THEMIS: variants seen among roughly 807,000 people sequenced by gnomAD.
THEMIS encodes protein THEMIS.
THEMIS carries 37 observed loss-of-function variants against 52.6 expected under a neutral mutation model. The ratio of observed to expected loss-of-function variants is 0.70; its 90% CI spans 0.54 to 0.93. The LOEUF (loss-of-function observed/expected upper bound fraction) is 0.93, where lower values mean the gene tolerates loss of function less well. Among genes scored for constraint, THEMIS ranks in the 40% least tolerant of loss-of-function variants. The pLI is 0.00. For synonymous variants in THEMIS, 292 were observed against 272.7 expected (o/e 1.07, Z -0.70); for missense variants, 808 against 763.1 (o/e 1.06, Z -0.69).
chr6:127,804,480 A>G (rs756164618), intron 4 of THEMIS, among the ~76,000 whole-genome samples: 27 of 152,312 alleles, frequency 1.8e-4, no homozygotes, highest in Non-Finnish European at 3.2e-4. Flanking sequence ...AGAGATTAAT[A>G]CATGTAAGCA....
intron 4 of THEMIS, among the ~76,000 whole-genome samples, chr6:127,782,110 C>G (rs567053444): frequency 6.6e-6 from 1 of 152,152 alleles, no homozygotes; most frequent in Non-Finnish European, 1.5e-5. Context: ...AGGGGAAAAC[C>G]GCCTACTCAA....
chr6:127,886,794 C>A (rs1343940045), intron 1 of THEMIS, among the ~76,000 whole-genome samples: 1 of 152,156 alleles, frequency 6.6e-6, no homozygotes, highest in Non-Finnish European at 1.5e-5. Context: ...TGTTTGGTTT[C>A]TCCTGAACTC....
intron 4 of THEMIS, among the ~76,000 whole-genome samples, chr6:127,788,248 A>C (rs540752098): frequency 6.6e-6 from 1 of 152,266 alleles, no homozygotes; most frequent in African/African-American, 2.4e-5. Context: ...ACTTTAACCA[A>C]GTTTGCCAGT....
chr6:127,796,450 A>T (rs767421062), intron 4 of THEMIS, among the ~76,000 whole-genome samples: 26 of 152,208 alleles, frequency 1.7e-4, no homozygotes, highest in Non-Finnish European at 2.4e-4. Flanking sequence ...GACCAGATCA[A>T]CCTTATGCAG....
At chr6:127,899,701 C>T (rs114645853) in intron 1 of THEMIS, among the ~76,000 whole-genome samples, 2 of 151,548 alleles carry the variant, frequency 1.3e-5, no homozygotes, top group Non-Finnish European at 3.0e-5. Context: ...AGACTTTTTA[C>T]GTAAAGCCTA....
intron 4 of THEMIS, among the ~76,000 whole-genome samples, chr6:127,731,864 A>ATTTTTTTGTTTTTTTTTTTTTTT (rs1774814121): frequency 2.4e-5 from 1 of 41,704 alleles, no homozygotes; most frequent in African/African-American, 1.1e-4. Context: ...TGCCCGGCTA[A>ATTTTTTTGTTTTTTTTTTTTTTT]TTTTTTTTTT....
At chr6:127,914,508 C>A (rs529990028) in intron 1 of THEMIS, among the ~76,000 whole-genome samples, 2 of 152,264 alleles carry the variant, frequency 1.3e-5, no homozygotes, top group South Asian at 4.2e-4. Flanking sequence ...TTACTGCACA[C>A]CTAGGCCATC....
intron 4 of THEMIS, among the ~76,000 whole-genome samples, chr6:127,746,924 GATAT>G (rs1775435583): frequency 6.0e-5 from 2 of 33,522 alleles, no homozygotes; most frequent in Admixed American, 1.3e-3. Flanking sequence ...ATTATATATA[GATAT>G]CTATAATTAT....
chr6:127,717,620 G>A (rs1774214578), intron 5 of THEMIS, among the ~76,000 whole-genome samples: 1 of 151,824 alleles, frequency 6.6e-6, no homozygotes, highest in Non-Finnish European at 1.5e-5. Flanking sequence ...CTGGAATAGA[G>A]TCTTATTACA....
At chr6:127,850,627 A>G (rs1779388115) in intron 2 of THEMIS, among the ~76,000 whole-genome samples, 1 of 151,840 alleles carries the variant, frequency 6.6e-6, no homozygotes, top group African/African-American at 2.4e-5. Context: ...AACTGCAATA[A>G]CTCAGGAATG....
intron 4 of THEMIS, among the ~76,000 whole-genome samples, chr6:127,761,654 A>T (rs2114389933): frequency 6.6e-6 from 1 of 152,224 alleles, no homozygotes; most frequent in East Asian, 1.9e-4. Flanking sequence ...CTATAAAACT[A>T]ATGCACATAC....
At chr6:127,720,957 T>C (rs952808145) in intron 4 of THEMIS, among the ~76,000 whole-genome samples, 1 of 151,960 alleles carries the variant, frequency 6.6e-6, no homozygotes, top group South Asian at 2.1e-4. Context: ...GTCCTTTCTA[T>C]AGAATTTTGC....
At chr6:127,795,799 C>T (rs1028635746) in intron 4 of THEMIS, among the ~76,000 whole-genome samples, 19 of 152,124 alleles carry the variant, frequency 1.2e-4, no homozygotes, top group African/African-American at 4.3e-4. Context: ...ATTGCTTTTG[C>T]GCCAACCTAA....
intron 4 of THEMIS, among the ~76,000 whole-genome samples, chr6:127,738,037 G>T (rs115534390): frequency 1.3e-5 from 2 of 152,116 alleles, no homozygotes; most frequent in Admixed American, 6.6e-5. Context: ...CCTTGGTTTT[G>T]TTCTACTTAT....
intron 1 of THEMIS, among the ~76,000 whole-genome samples, chr6:127,866,511 A>T (rs1242996678): frequency 6.6e-6 from 1 of 152,030 alleles, no homozygotes; most frequent in Non-Finnish European, 1.5e-5. Context: ...CTTTATGCTC[A>T]AAAGAGTCAC....
chr6:127,868,340 C>T, intron 1 of THEMIS: 1 of 635,836 alleles, frequency 1.6e-6, no homozygotes, highest in Non-Finnish European at 2.0e-6. Flanking sequence ...GCAGTGTCCT[C>T]CTATGGATGG....
chr6:127,797,539 C>T lies in THEMIS; in HGVS notation c.1758+15344G>A, dbSNP rs147662349. On this transcript the variant is annotated intron_variant, in intron 4 of 5. Transcript: ENST00000368248. ...GGAAGCTCTAGTCACAGCCTCTTAC[C>T]TTTAGATTTTGCAGATATGGGTCAA... is the stretch of plus-strand genomic sequence containing the variant. Among the ~76,000 whole-genome samples the T allele has an allele frequency of 1.5e-3, 227 of 152,268 alleles. 1 individual carries two copies. The highest frequency in any genetic ancestry group is 4.9e-3 in the African/African-American group (202 of 41,556).
chr6:127,782,263 C>A (rs1388447719), intron 4 of THEMIS, among the ~76,000 whole-genome samples: 3 of 152,108 alleles, frequency 2.0e-5, no homozygotes, highest in Admixed American at 6.5e-5. Flanking sequence ...CTGAGCTAGA[C>A]CACTTGGCTC....
intron 1 of THEMIS, among the ~76,000 whole-genome samples, chr6:127,887,226 G>A (rs1242749010): frequency 6.6e-6 from 1 of 152,020 alleles, no homozygotes; most frequent in Non-Finnish European, 1.5e-5. Context: ...ATGATTTGAA[G>A]AGACATGTGA....
Sources: gnomAD v4.1 joint callset for allele counts (sites outside exome capture counted in the v4.1 genomes callset) on GRCh38, gnomAD v4.1.1 for gene constraint, MANE v1.5 for transcripts, NCBI Gene and HGNC (gene_info 2026-07-23, HGNC 2026-07-21) for gene names.